The following NTM variants were observed in gnomAD, a reference collection of about 807,000 sequenced individuals.
NTM encodes the protein neurotrimin.
A neutral mutation model predicts 42.1 loss-of-function variants in NTM; 13 were observed. That is an observed-to-expected ratio of 0.31 (90% CI 0.20 to 0.49). The LOEUF is 0.49. NTM is among the 20% of genes least tolerant of loss of function. The probability of loss-of-function intolerance (pLI) is 0.99; values close to 1 mark genes in which losing one functional copy is unlikely to be tolerated. For synonymous variants in NTM, 187 were observed against 179.2 expected, an observed-to-expected ratio of 1.04 and a Z score of -0.35; for missense variants, 373 against 452.8, an observed-to-expected ratio of 0.82 and a Z score of 1.60.
intron 4 of NTM, 69 bp downstream of exon 4, chr11:132,212,216 T>C (rs1367789937): frequency 2.3e-6 from 3 of 1,328,528 alleles, no homozygotes; most frequent in Non-Finnish European, 3.2e-6. Context: ...TGGTAGGAGG[T>C]TATGGGTGCT....
intron 1 of NTM, among the ~76,000 whole-genome samples, chr11:131,463,142 TA>T (rs1489559113): frequency 6.6e-6 from 1 of 152,142 alleles, no homozygotes; most frequent in Non-Finnish European, 1.5e-5. Context: ...AAAAAGATTA[TA>T]AAAAGGTTAC....
intron 1 of NTM, among the ~76,000 whole-genome samples, chr11:131,561,098 A>G (rs548232905): frequency 1.3e-5 from 2 of 152,312 alleles, no homozygotes; most frequent in African/African-American, 4.8e-5. Context: ...TCTGAAGGGA[A>G]CAAGCGCAGT....
At chr11:132,050,756 A>G (rs1482552418) in intron 2 of NTM, among the ~76,000 whole-genome samples, 1 of 152,220 alleles carries the variant, frequency 6.6e-6, no homozygotes, top group Non-Finnish European at 1.5e-5. Context: ...TGGGGCACAC[A>G]GACACCTGCA....
At chr11:132,170,043 G>A (rs1458490976) in intron 3 of NTM, among the ~76,000 whole-genome samples, 1 of 152,106 alleles carries the variant, frequency 6.6e-6, no homozygotes, top group Non-Finnish European at 1.5e-5. Flanking sequence ...TAGCTCATGG[G>A]GCTACAGAAA....
chr11:132,317,392 A>G (rs1055183231), intron 7 of NTM, among the ~76,000 whole-genome samples: 2 of 152,124 alleles, frequency 1.3e-5, no homozygotes, highest in African/African-American at 2.4e-5. Context: ...AGTGAATCCA[A>G]CTGCACCAGA....
At chr11:132,195,433 T>G (rs1436708025) in intron 3 of NTM, among the ~76,000 whole-genome samples, 1 of 151,058 alleles carries the variant, frequency 6.6e-6, no homozygotes, top group Non-Finnish European at 1.5e-5. Context: ...TTTCACAAAA[T>G]TAGAAAATAA....
At chr11:131,974,846 C>A (rs1364814074) in intron 2 of NTM, among the ~76,000 whole-genome samples, 2 of 152,116 alleles carry the variant, frequency 1.3e-5, no homozygotes, top group African/African-American at 4.8e-5. Flanking sequence ...ACCTACAAAA[C>A]TTTCAAATTT....
chr11:132,202,680 T>C (rs1263007729), intron 3 of NTM, among the ~76,000 whole-genome samples: 1 of 152,160 alleles, frequency 6.6e-6, no homozygotes, highest in Non-Finnish European at 1.5e-5. Context: ...CCAAGAGGCA[T>C]GGAATAAGGA....
At chr11:131,376,414 G>A (rs1565440818) in intron 1 of NTM, among the ~76,000 whole-genome samples, 1 of 152,002 alleles carries the variant, frequency 6.6e-6, no homozygotes, top group Non-Finnish European at 1.5e-5. Context: ...ATCATGACAG[G>A]AGATCACAGA....
At chr11:132,030,640 T>C (rs1211317295) in intron 2 of NTM, among the ~76,000 whole-genome samples, 1 of 152,164 alleles carries the variant, frequency 6.6e-6, no homozygotes, top group Non-Finnish European at 1.5e-5. Flanking sequence ...CATTTGGATA[T>C]TGTGGAGTTG....
At chr11:131,789,915 C>T (rs1334902580) in intron 1 of NTM, among the ~76,000 whole-genome samples, 14 of 133,976 alleles carry the variant, frequency 1.0e-4, no homozygotes, top group Non-Finnish European at 2.0e-4. Flanking sequence ...GAGATCGCGC[C>T]ACTGCACTCC....
chr11:131,874,029 TAATATATATATATATATATATATATA>T (rs1192924980), intron 1 of NTM, among the ~76,000 whole-genome samples: 4 of 50,944 alleles, frequency 7.9e-5, no homozygotes, highest in Non-Finnish European at 8.6e-5. Context: ...TAATATAATA[TAATATATATATATATATATATATATA>T]TATATATATA....
chr11:132,093,591 G>T (rs1188845171), intron 2 of NTM, among the ~76,000 whole-genome samples: 1 of 152,016 alleles, frequency 6.6e-6, no homozygotes, highest in African/African-American at 2.4e-5. Flanking sequence ...TTATAAATCT[G>T]TCTTTTTTGA....
chr11:132,142,794 C>A (rs1450253552), intron 2 of NTM, among the ~76,000 whole-genome samples: 2 of 152,168 alleles, frequency 1.3e-5, no homozygotes, highest in Non-Finnish European at 2.9e-5. Flanking sequence ...AAATTGGCTG[C>A]GTTCTGAGTG....
intron 1 of NTM, among the ~76,000 whole-genome samples, chr11:131,492,490 G>T (rs1954906806): frequency 6.6e-6 from 1 of 152,102 alleles, no homozygotes; most frequent in Non-Finnish European, 1.5e-5. Flanking sequence ...TGTTACCAAA[G>T]AAAAATATGT....
intron 1 of NTM, among the ~76,000 whole-genome samples, chr11:131,530,567 C>G (rs2051120779): frequency 6.6e-6 from 1 of 152,160 alleles, no homozygotes; most frequent in Admixed American, 6.5e-5. Context: ...AACAAAAGCC[C>G]TATGATTCAC....
chr11:131,517,598 C>A (rs1337884387), intron 1 of NTM, among the ~76,000 whole-genome samples: 1 of 151,794 alleles, frequency 6.6e-6, no homozygotes, highest in East Asian at 1.9e-4. Context: ...CTTTTTTTTC[C>A]CTTCTTTTGT....
At chr11:132,278,780 T>C (rs2093843155) in intron 4 of NTM, among the ~76,000 whole-genome samples, 1 of 142,772 alleles carries the variant, frequency 7.0e-6, no homozygotes, top group Non-Finnish European at 1.6e-5. Context: ...TCTCTCTCTC[T>C]CTCTTTACTG....
At chr11:131,622,438 A>C (rs952095837) in intron 1 of NTM, among the ~76,000 whole-genome samples, 3 of 152,216 alleles carry the variant, frequency 2.0e-5, no homozygotes, top group African/African-American at 7.2e-5. Flanking sequence ...CGTGTCGCCA[A>C]GATTCAACAG....
Sources: allele counts gnomAD v4.1 joint callset (sites outside exome capture counted in the v4.1 genomes callset), GRCh38; gene constraint gnomAD v4.1.1; transcripts MANE v1.5; gene names NCBI Gene and HGNC (gene_info 2026-07-23, HGNC 2026-07-21).